Variants in CHIC1 observed in about 807,000 individuals in gnomAD.
CHIC1 encodes cysteine rich hydrophobic domain 1.
A neutral mutation model predicts 18.5 loss-of-function variants in CHIC1; 7 were observed. The ratio of observed to expected loss-of-function variants is 0.38; its 90% confidence interval spans 0.22 to 0.71. The LOEUF (loss-of-function observed/expected upper bound fraction) is 0.71. CHIC1 is among the 30% of genes least tolerant of loss of function. The pLI is 0.49. For missense variants in CHIC1, 159 were observed against 176.9 expected, an observed-to-expected ratio of 0.90 and a Z score of 0.57; for synonymous variants, 77 against 73.5, an observed-to-expected ratio of 1.05 and a Z score of -0.25.
At chrX:73,578,517 G>C (rs1422066632) in intron 2 of CHIC1, among the ~76,000 whole-genome samples, 2 of 110,208 alleles carry the variant, frequency 1.8e-5, no homozygotes, top group African/African-American at 6.5e-5. Flanking sequence ...CTAGAATAAT[G>C]GTATTTGTCA....
chrX:73,586,945 G>A (rs1437081048), intron 3 of CHIC1, among the ~76,000 whole-genome samples: 1 of 111,652 alleles, frequency 9.0e-6, no homozygotes, highest in Non-Finnish European at 1.9e-5. Flanking sequence ...CTCAACTGTG[G>A]CATTGTCACA....
chrX:73,612,567 A>G (rs1182446142), intron 3 of CHIC1, among the ~76,000 whole-genome samples: 1 of 111,827 alleles, frequency 8.9e-6, no homozygotes, highest in Non-Finnish European at 1.9e-5. Context: ...TGTTAACCCC[A>G]TGGTCATTCA....
chrX:73,644,593 C>T (rs1049261995), intron 3 of CHIC1, among the ~76,000 whole-genome samples: 1 of 112,484 alleles, frequency 8.9e-6, no homozygotes, highest in East Asian at 2.8e-4. Context: ...GGCAGGCGCC[C>T]CTCCCCCAGC....
rs1324207572 is a variant in CHIC1 at position 73,682,599 on chromosome X, CA to C, written c.*1595del. On this transcript the variant is annotated 3_prime_UTR_variant, in exon 6 of 6. Coordinates refer to ENST00000373502, the MANE Select transcript of CHIC1 (RefSeq NM_001039840.4). ...TAATTTGAAATCCACAGTCCTTGACCAGTTTAAAAAAGAGAGGAAAAAGAAG... is the reference window on the plus strand; with the variant it reads ...TAATTTGAAATCCACAGTCCTTGACCGTTTAAAAAAGAGAGGAAAAAGAAG... The C allele has an allele frequency of 1.8e-5, 2 of 111,509 alleles. No homozygotes were observed. The highest frequency in any genetic ancestry group is 3.8e-5 in the Non-Finnish European group (2 of 52,723). The allele number at this position is 111,509 out of a possible 1,213,427, so 9.2% of individuals were successfully genotyped here.
chrX:73,638,158 A>T (rs1315383848), intron 3 of CHIC1, among the ~76,000 whole-genome samples: 2 of 111,360 alleles, frequency 1.8e-5, no homozygotes, highest in Non-Finnish European at 1.9e-5. Flanking sequence ...TCATTGTCTT[A>T]ATTTCACAAC....
intron 2 of CHIC1, among the ~76,000 whole-genome samples, chrX:73,580,940 A>G (rs1268416136): frequency 9.0e-6 from 1 of 111,411 alleles, no homozygotes; most frequent in Non-Finnish European, 1.9e-5. Context: ...AAACAAAAAG[A>G]TGACCTTTTA....
intron 1 of CHIC1, among the ~76,000 whole-genome samples, chrX:73,568,367 T>C: frequency 8.9e-6 from 1 of 112,023 alleles, no homozygotes; most frequent in African/African-American, 3.2e-5. Flanking sequence ...ACTACTTGTA[T>C]TTCCAATTCT....
At chrX:73,641,668 CT>C (rs1476174202) in intron 3 of CHIC1, among the ~76,000 whole-genome samples, 2 of 108,886 alleles carry the variant, frequency 1.8e-5, no homozygotes, top group African/African-American at 6.9e-5. Flanking sequence ...CCCTTCCCCC[CT>C]CCCCCCACAC....
At position 73,642,057 on chromosome X, in the gene CHIC1, T is replaced by C. The variant is rs1382959179; in HGVS notation, c.508-37269T>C. The stretch of plus-strand genomic sequence containing the variant: ...CCAGTAAAGGGATGGCTGGGTCAAA[T>C]GGTATTTCTAGTTCTAGATCCCTGA... On this transcript the variant is annotated intron_variant, in intron 3 of 5. Transcript: ENST00000373502. Among the ~76,000 whole-genome samples, 3 of 111,766 alleles carry C rather than the reference T, an allele frequency of 2.7e-5. No individual in the cohort carries two copies. In the East Asian group the frequency reaches 8.5e-4, roughly 31 times the overall value.
At position 73,686,579 on chromosome X, in the gene CHIC1, T is replaced by G. The variant is rs1490326625; in HGVS notation, c.*5574T>G. ...TCTTTGTTTTTATCTCGACTTTTTA[T>G]TTTCCATTTTTTCTAGTACGCAAAT... On this transcript the variant is annotated 3_prime_UTR_variant, in exon 6 of 6. Transcript: ENST00000373502. 2 of 112,067 alleles carry G rather than the reference T, an allele frequency of 1.8e-5. No homozygotes were observed. The highest frequency in any genetic ancestry group is 6.5e-5 in the African/African-American group (2 of 30,925). The allele number at this position is 112,067 out of a possible 1,213,427, so 9.2% of individuals were successfully genotyped here.
chrX:73,638,711 G>T (rs762082688), intron 3 of CHIC1, among the ~76,000 whole-genome samples: 3 of 110,912 alleles, frequency 2.7e-5, no homozygotes, highest in Admixed American at 9.6e-5. Flanking sequence ...CTCTGTGTCT[G>T]TTGTTTCCCT....
At chrX:73,659,710 AG>A in intron 3 of CHIC1, among the ~76,000 whole-genome samples, 1 of 111,845 alleles carries the variant, frequency 8.9e-6, no homozygotes, top group Middle Eastern at 4.6e-3. Flanking sequence ...ATGGTTGGGT[AG>A]TGCAAATCAG....
intron 3 of CHIC1, 142 bp from the exon 4 acceptor site, chrX:73,679,184 T>G (rs1161702786): frequency 2.3e-6 from 1 of 429,241 alleles, no homozygotes; most frequent in Non-Finnish European, 4.1e-6. Context: ...TTTCTGCCAC[T>G]GATATTGCTT....
intron 1 of CHIC1, among the ~76,000 whole-genome samples, chrX:73,575,356 T>C (rs922575193): frequency 3.6e-5 from 4 of 110,152 alleles, no homozygotes; most frequent in Non-Finnish European, 7.7e-5. Flanking sequence ...AAAAGTAATG[T>C]AGAGTCATGT....
At chrX:73,629,601 T>C (rs1227748971) in intron 3 of CHIC1, among the ~76,000 whole-genome samples, 1 of 112,105 alleles carries the variant, frequency 8.9e-6, no homozygotes, top group African/African-American at 3.2e-5. Context: ...TTTCAAAAAT[T>C]AGTTGACCAT....
At position 73,682,414 on chromosome X, in the gene CHIC1, A is replaced by C. The variant is rs1445090607; in HGVS notation, c.*1409A>C. The C allele has an allele frequency of 1.8e-5, 2 of 111,490 alleles. No individual in the cohort carries two copies. The highest frequency in any genetic ancestry group is 3.8e-5 in the Non-Finnish European group (2 of 52,778). 9.2% of individuals were successfully genotyped at this position (111,490 alleles called of 1,213,427 possible). Reference sequence around the variant, plus strand: ...TGTTTGTAGGCATTATTTGTAATTCATAGTGCTAAAAATAAAAGTGTCTAG... The same window carrying C: ...TGTTTGTAGGCATTATTTGTAATTCCTAGTGCTAAAAATAAAAGTGTCTAG... On this transcript the variant is annotated 3_prime_UTR_variant, in exon 6 of 6. Coordinates refer to ENST00000373502, the MANE Select transcript of CHIC1 (RefSeq NM_001039840.4).
At chrX:73,592,710 G>A (rs983522758) in intron 3 of CHIC1, among the ~76,000 whole-genome samples, 5 of 109,972 alleles carry the variant, frequency 4.5e-5, no homozygotes, top group African/African-American at 1.7e-4. Context: ...GATGATGCTG[G>A]CTTCATAGGA....
At chrX:73,632,657 A>T (rs1037805969) in intron 3 of CHIC1, among the ~76,000 whole-genome samples, 1 of 99,753 alleles carries the variant, frequency 1.0e-5, no homozygotes, top group African/African-American at 3.7e-5. Context: ...TTTCCTTTTT[A>T]TGTTATGTAT....
Position 73,681,939 on chromosome X carries a change from T to G in CHIC1, c.*934T>G, listed in dbSNP as rs1407335798. The stretch of plus-strand genomic sequence containing the variant: ...TCTGACACATTTCACAGTCTCACTA[T>G]CCTGCATTTATTAGCCTTTTCTTCC... On this transcript the variant is annotated 3_prime_UTR_variant, in exon 6 of 6. Coordinates refer to ENST00000373502, the MANE Select transcript of CHIC1 (RefSeq NM_001039840.4). 6.2e-5 allele frequency: 7 copies of G among 112,184 alleles called. No homozygotes were observed. In the East Asian group the frequency reaches 2.0e-3, roughly 31 times the overall value. The allele number at this position is 112,184 out of a possible 1,213,427, so 9.2% of individuals were successfully genotyped here.
Sources: gnomAD v4.1 joint callset for allele counts (sites outside exome capture counted in the v4.1 genomes callset) on GRCh38, gnomAD v4.1.1 for gene constraint, MANE v1.5 for transcripts, NCBI Gene and HGNC (gene_info 2026-07-23, HGNC 2026-07-21) for gene names.